Variants in HCRTR2 observed in about 807,000 individuals in gnomAD.
The protein encoded by HCRTR2 is orexin receptor type 2.
In HCRTR2, 22 loss-of-function variants were observed where a neutral mutation model predicts 49.0. The ratio of observed to expected loss-of-function variants is 0.45; its 90% CI spans 0.32 to 0.64. The LOEUF is 0.64. Among genes scored for constraint, HCRTR2 ranks in the 30% least tolerant of loss-of-function variants. The pLI is 0.04. For missense variants in HCRTR2, 491 were observed against 559.4 expected (o/e 0.88, Z 1.23); for synonymous variants, 236 against 205.3 (o/e 1.15, Z -1.28).
intron 1 of HCRTR2, among the ~76,000 whole-genome samples, chr6:55,178,640 T>C (rs376020245): frequency 1.3e-5 from 2 of 152,216 alleles, no homozygotes; most frequent in East Asian, 3.8e-4. Flanking sequence ...TGTATCTCTG[T>C]AGCTCTTTAT....
At chr6:55,156,630 G>A (rs1323921441) in intron 1 of HCRTR2, among the ~76,000 whole-genome samples, 3 of 151,356 alleles carry the variant, frequency 2.0e-5, no homozygotes, top group African/African-American at 7.3e-5. Context: ...ATAACTTATG[G>A]ATGTTGATGC....
chr6:55,143,572 T>A (rs143959247), intron 1 of HCRTR2, among the ~76,000 whole-genome samples: 1 of 152,360 alleles, frequency 6.6e-6, no homozygotes, highest in East Asian at 1.9e-4. Flanking sequence ...TGATGTAACC[T>A]TGCAGGATCG....
At chr6:55,242,427 C>T (rs763422644) in intron 1 of HCRTR2, among the ~76,000 whole-genome samples, 3 of 152,092 alleles carry the variant, frequency 2.0e-5, no homozygotes, top group Admixed American at 6.6e-5. Flanking sequence ...TATGATTGCT[C>T]TGAGTACCTC....
chr6:55,161,077 T>C (rs1006270891), intron 1 of HCRTR2, among the ~76,000 whole-genome samples: 4 of 152,078 alleles, frequency 2.6e-5, no homozygotes, highest in Non-Finnish European at 4.4e-5. Flanking sequence ...GACCACATCA[T>C]TGGAAGTAAA....
At chr6:55,106,573 A>AT (rs1763968951) in intron 1 of HCRTR2, 1 of 152,026 alleles carries the variant, frequency 6.6e-6, no homozygotes, top group Non-Finnish European at 1.5e-5. Flanking sequence ...TTTACTCTAT[A>AT]TTTTTTCTAT....
chr6:55,120,320 G>T (rs570060625), intron 1 of HCRTR2, among the ~76,000 whole-genome samples: 1 of 151,944 alleles, frequency 6.6e-6, no homozygotes, highest in African/African-American at 2.4e-5. Context: ...GATAGGGAGA[G>T]CATTGAATCT....
intron 1 of HCRTR2, among the ~76,000 whole-genome samples, chr6:55,201,670 G>A (rs192946032): frequency 2.6e-5 from 4 of 152,220 alleles, no homozygotes; most frequent in Admixed American, 6.5e-5. Flanking sequence ...TTTCATGAGT[G>A]TAAATGAATT....
chr6:55,132,732 C>T (rs1346678751), intron 1 of HCRTR2, among the ~76,000 whole-genome samples: 2 of 137,866 alleles, frequency 1.5e-5, no homozygotes, highest in South Asian at 2.4e-4. Context: ...TCCATTTATA[C>T]CTCTCCCTCT....
intron 1 of HCRTR2, among the ~76,000 whole-genome samples, chr6:55,136,454 T>G (rs775415212): frequency 6.6e-6 from 1 of 152,154 alleles, no homozygotes; most frequent in African/African-American, 2.4e-5. Flanking sequence ...GAAAAGAAAT[T>G]CCTTCAATTG....
At chr6:55,127,123 A>G (rs1447848514) in intron 1 of HCRTR2, among the ~76,000 whole-genome samples, 1 of 152,040 alleles carries the variant, frequency 6.6e-6, no homozygotes, top group Non-Finnish European at 1.5e-5. Context: ...GTATGGGAAA[A>G]AAAAATTTCT....
chr6:55,216,220 TAA>T (rs1225956242), intron 1 of HCRTR2, among the ~76,000 whole-genome samples: 1 of 152,218 alleles, frequency 6.6e-6, no homozygotes, highest in Non-Finnish European at 1.5e-5. Context: ...ACATTAGTAT[TAA>T]GTTTTAACAT....
intron 1 of HCRTR2, among the ~76,000 whole-genome samples, chr6:55,232,066 T>G (rs187408860): frequency 8.9e-4 from 136 of 152,288 alleles, no homozygotes; most frequent in Non-Finnish European, 1.8e-3. Context: ...AATTTCCTTT[T>G]TTTAATTTCA....
At chr6:55,211,743 G>A (rs1319827716) in intron 1 of HCRTR2, among the ~76,000 whole-genome samples, 2 of 152,100 alleles carry the variant, frequency 1.3e-5, no homozygotes, top group Non-Finnish European at 2.9e-5. Flanking sequence ...TTGATGTGGA[G>A]CTTCCTGACC....
chr6:55,237,200 TTCAA>T (rs1766230752), intron 1 of HCRTR2, among the ~76,000 whole-genome samples: 3 of 152,140 alleles, frequency 2.0e-5, no homozygotes, highest in Admixed American at 6.5e-5. Context: ...ACATTATTAA[TTCAA>T]TCATTTTAAA....
rs183907059 is a variant in HCRTR2, at chr6:55,197,253, A to G, written c.223+22443A>G. Reference sequence around the variant, plus strand: ...ACTTCTAACTCTAATCCTAACCATAACCTCAAATCTAACTCTGATTCCAAT... The same window carrying G: ...ACTTCTAACTCTAATCCTAACCATAGCCTCAAATCTAACTCTGATTCCAAT... On this transcript the variant is annotated intron_variant, in intron 1 of 6. Coordinates refer to ENST00000370862, the MANE Select transcript of HCRTR2 (RefSeq NM_001384272.1). Among the ~76,000 whole-genome samples, 558 of 152,134 alleles carry G rather than the reference A, an allele frequency of 3.7e-3. 6 individuals are homozygous for G. Among genetic ancestry groups the G allele is most frequent in the African/African-American group, 0.013 (528 of 41,498 alleles).
At chr6:55,220,736 A>G (rs1438626094) in intron 1 of HCRTR2, among the ~76,000 whole-genome samples, 1 of 152,188 alleles carries the variant, frequency 6.6e-6, no homozygotes, top group African/African-American at 2.4e-5. Context: ...AGAAATAAAA[A>G]GCACTGAAAT....
chr6:55,269,103 A>G (rs1042667229), intron 4 of HCRTR2, among the ~76,000 whole-genome samples: 4 of 151,064 alleles, frequency 2.6e-5, no homozygotes, highest in South Asian at 2.1e-4. Flanking sequence ...AAAAAAAAAA[A>G]AAAGAAATAA....
intron 4 of HCRTR2, among the ~76,000 whole-genome samples, chr6:55,265,732 C>G (rs954098378): frequency 6.6e-6 from 1 of 152,040 alleles, no homozygotes; most frequent in Non-Finnish European, 1.5e-5. Flanking sequence ...GTCAAAAACA[C>G]AAGGGCCAGA....
At chr6:55,268,572 A>G (rs1766907087) in intron 4 of HCRTR2, among the ~76,000 whole-genome samples, 1 of 152,164 alleles carries the variant, frequency 6.6e-6, no homozygotes, top group Non-Finnish European at 1.5e-5. Flanking sequence ...TGGTTATACT[A>G]AAATTAGACA....
Sources: gnomAD v4.1 joint callset for allele counts (sites outside exome capture counted in the v4.1 genomes callset) on GRCh38, gnomAD v4.1.1 for gene constraint, MANE v1.5 for transcripts, NCBI Gene and HGNC (gene_info 2026-07-23, HGNC 2026-07-21) for gene names.